SSH1: variants seen among roughly 807,000 people sequenced by gnomAD.
SSH1 encodes protein phosphatase Slingshot homolog 1.
SSH1 carries 43 observed loss-of-function variants against 79.7 expected under a neutral mutation model. The ratio of observed to expected loss-of-function variants is 0.54; its 90% CI spans 0.42 to 0.70. SSH1 has a LOEUF of 0.70. Among genes scored for constraint, SSH1 ranks in the 30% least tolerant of loss-of-function variants. The pLI is 0.00. For synonymous variants in SSH1, 599 were observed against 538.3 expected, an observed-to-expected ratio of 1.11 and a Z score of -1.56; for missense variants, 1,206 against 1,358.8, an observed-to-expected ratio of 0.89 and a Z score of 1.77.
At chr12:108,829,552 C>T (rs2038423118) in intron 2 of SSH1, among the ~76,000 whole-genome samples, 1 of 152,182 alleles carries the variant, frequency 6.6e-6, no homozygotes, top group Admixed American at 6.5e-5. Flanking sequence ...AGACAGCCAT[C>T]CTCTTTAAGG....
chr12:108,788,297 C>A lies in SSH1; in HGVS notation c.2841G>T (p.Lys947Asn), dbSNP rs747981755. The A allele has an allele frequency of 6.2e-7, 1 of 1,613,584 alleles. No individual in the cohort carries two copies. Among genetic ancestry groups the A allele is most frequent in the Admixed American group, 1.7e-5 (1 of 60,018 alleles). Residue 947 changes from lysine to asparagine, a missense_variant, in exon 15 of 15, where the codon AAG becomes AAT. Physicochemically the swap from Lys to Asn is moderately conservative, Grantham distance 94. Transcript: ENST00000326495. The part of the protein sequence containing the change: ...SSDSIHSVRG[K>N]PGLVKQRTQE... ...GTGTCCGCTGCTTCACCAGCCCGGG[C>A]TTCCCACGGACACTGTGGATGCTAT...
chr12:108,815,292 G>C (rs2037832669), intron 5 of SSH1, among the ~76,000 whole-genome samples: 1 of 152,194 alleles, frequency 6.6e-6, no homozygotes. Flanking sequence ...ACCCACCCCA[G>C]GGGGATGAAG....
intron 2 of SSH1, among the ~76,000 whole-genome samples, chr12:108,829,971 T>G (rs981055153): frequency 1.3e-5 from 2 of 152,088 alleles, no homozygotes; most frequent in African/African-American, 4.8e-5. Context: ...CTAGGCTTGG[T>G]GGTGTGTGCC....
intron 14 of SSH1, chr12:108,791,970 T>C: frequency 1.5e-6 from 2 of 1,312,998 alleles, no homozygotes; most frequent in Non-Finnish European, 9.7e-7. Flanking sequence ...CAAAAAGAAA[T>C]TGAGTTGGAA....
intron 2 of SSH1, chr12:108,827,203 C>T (rs906874268): frequency 3.5e-5 from 52 of 1,486,776 alleles, no homozygotes; most frequent in Non-Finnish European, 4.3e-5. Context: ...TATAAACAGC[C>T]AGTGTCATCC....
intron 12 of SSH1, among the ~76,000 whole-genome samples, chr12:108,799,809 G>A (rs1393673794): frequency 6.6e-6 from 1 of 152,156 alleles, no homozygotes; most frequent in Non-Finnish European, 1.5e-5. Flanking sequence ...TGCTGGCCCA[G>A]GCCTGGCTGA....
rs1319190582 is a variant in SSH1 at position 108,780,467 on chromosome 12, G to C, written c.*7521C>G. The C allele has an allele frequency of 2.0e-5, 3 of 152,180 alleles. No homozygotes were observed. Among genetic ancestry groups the C allele is most frequent in the Admixed American group, 2.0e-4 (3 of 15,276 alleles). The allele number at this position is 152,180 out of a possible 1,614,324, so 9.4% of individuals were successfully genotyped here. The stretch of plus-strand genomic sequence containing the variant: ...GTAGTGTGGGTGTTGTCTCCAAAAA[G>C]CATGTGTGCAATGTAATTAGCAAAG... On this transcript the variant is annotated 3_prime_UTR_variant, in exon 15 of 15. Transcript: ENST00000326495.
At position 108,811,231 on chromosome 12, in the gene SSH1, G is replaced by A. The variant is rs764544595; in HGVS notation, c.470+29C>T. On this transcript the variant is annotated intron_variant, in intron 6 of 14. Transcript: ENST00000326495. ...GTTTTCAATGCCTACTACATACAGT[G>A]AGAGAATCTTTTAAAGAGACCTCCT... 5.8e-5 allele frequency: 94 copies of A among 1,608,258 alleles called. 2 individuals carry two copies. In the South Asian group the frequency reaches 1.0e-3, roughly 17 times the overall value.
intron 2 of SSH1, chr12:108,826,264 G>C: frequency 2.4e-6 from 1 of 418,358 alleles, no homozygotes; most frequent in Non-Finnish European, 4.7e-6. Flanking sequence ...CACTTACAAG[G>C]CCAGCTGTTC....
chr12:108,836,882 C>G (rs749906418), intron 2 of SSH1: 37 of 532,340 alleles, frequency 7.0e-5, no homozygotes, highest in East Asian at 6.6e-4. Flanking sequence ...ACAAGAACAT[C>G]AGACACACTC....
intron 2 of SSH1, among the ~76,000 whole-genome samples, chr12:108,842,956 T>G (rs1255144137): frequency 3.3e-5 from 5 of 151,966 alleles, no homozygotes; most frequent in Admixed American, 2.0e-4. Flanking sequence ...CAGAGTGGAG[T>G]ATGGGTGCTC....
chr12:108,788,509 C>A lies in SSH1; in HGVS notation c.2629G>T (p.Ala877Ser). The stretch of plus-strand genomic sequence containing the variant: ...GCCTCTGACTTCTCATCACTCCCGG[C>A]CTGGCTGGGCATAACCAGGGGGCCC... ...ELGPLVMPSQ[A>S]GSDEKSEAAP... Residue 877 changes from alanine to serine, a missense_variant, in exon 15 of 15, where the codon GCC becomes TCC. Coordinates refer to ENST00000326495, the MANE Select transcript of SSH1 (RefSeq NM_018984.4). 6.4e-7 allele frequency: 1 copy of A among 1,560,138 alleles called. No homozygotes were observed. Among genetic ancestry groups the A allele is most frequent in the Non-Finnish European group, 8.7e-7 (1 of 1,154,702 alleles).
chr12:108,800,628 G>C, intron 12 of SSH1, 152 bp downstream of exon 12: 3 of 863,672 alleles, frequency 3.5e-6, no homozygotes, highest in Admixed American at 4.3e-5. Context: ...CCCACATCAA[G>C]TCCACTCCCA....
At chr12:108,818,966 C>T (rs1441609270) in intron 3 of SSH1, among the ~76,000 whole-genome samples, 1 of 152,180 alleles carries the variant, frequency 6.6e-6, no homozygotes, top group Non-Finnish European at 1.5e-5. Context: ...GTTGGCCAGG[C>T]TGGTCTCGAA....
chr12:108,800,554 G>A (rs1395742946), intron 12 of SSH1, among the ~76,000 whole-genome samples: 1 of 150,830 alleles, frequency 6.6e-6, no homozygotes, highest in Non-Finnish European at 1.5e-5. Flanking sequence ...GACTCTACCT[G>A]GAGAGGACCA....
chr12:108,796,828 C>T (rs1214001663), intron 13 of SSH1, among the ~76,000 whole-genome samples: 1 of 150,456 alleles, frequency 6.6e-6, no homozygotes, highest in Admixed American at 6.6e-5. Flanking sequence ...CTGTAACCTC[C>T]ACCTCCCGGG....
intron 11 of SSH1, among the ~76,000 whole-genome samples, chr12:108,801,993 C>T (rs1208072405): frequency 6.6e-6 from 1 of 152,120 alleles, no homozygotes; most frequent in Non-Finnish European, 1.5e-5. Context: ...AGCAACTGTG[C>T]GGGGCAGGGA....
intron 3 of SSH1, among the ~76,000 whole-genome samples, chr12:108,820,162 G>A (rs1330199407): frequency 6.6e-6 from 1 of 152,010 alleles, no homozygotes; most frequent in African/African-American, 2.4e-5. Context: ...ATAGGCATGA[G>A]CCACCAAACC....
rs2036551487 is a variant in SSH1, at chr12:108,792,488, C to G, written c.1691G>C (p.Cys564Ser). Residue 564 changes from cysteine to serine, a missense_variant, in exon 14 of 15, where the codon TGT becomes TCT. Around this residue, in one of 5 missense-constraint regions of SSH1, gnomAD observed 709 missense variants for 730.6 expected, o/e 0.97. Transcript: ENST00000326495. ...ARQPQQGSGL[C>S]EKDVKKKLEF... ...TAGTTTCTTCTTCACATCCTTCTCA[C>G]AGAGTCCGGAACCTTGCTGGGGCTG... The G allele has an allele frequency of 1.2e-6, 2 of 1,614,224 alleles. No homozygotes were observed. The highest frequency in any genetic ancestry group is 1.7e-6 in the Non-Finnish European group (2 of 1,180,046).
Sources: allele counts gnomAD v4.1 joint callset (sites outside exome capture counted in the v4.1 genomes callset), GRCh38; gene constraint gnomAD v4.1.1; regional missense constraint gnomAD v4.1.1; transcripts MANE v1.5; gene names NCBI Gene and HGNC (gene_info 2026-07-23, HGNC 2026-07-21).